ZFYVE28: variants seen among roughly 807,000 people sequenced by gnomAD.
ZFYVE28 encodes the protein lateral signaling target protein 2 homolog.
In ZFYVE28, 40 loss-of-function variants were observed where a neutral mutation model predicts 82.1. The ratio of observed to expected loss-of-function variants is 0.49; its 90% CI spans 0.38 to 0.63. The LOEUF (loss-of-function observed/expected upper bound fraction) is 0.63. Ranked by LOEUF, ZFYVE28 falls within the 30% of genes least tolerant of loss-of-function variation. The pLI, the probability that ZFYVE28 is intolerant of heterozygous loss-of-function variation, is 0.00. For synonymous variants in ZFYVE28, 612 were observed against 546.1 expected (o/e 1.12, Z -1.68); for missense variants, 1,321 against 1,242.1 (o/e 1.06, Z -0.96).
At chr4:2,308,627 C>CAGAAAGAAAGAAAA (rs1553830471) in intron 7 of ZFYVE28, among the ~76,000 whole-genome samples, 6 of 79,582 alleles carry the variant, frequency 7.5e-5, no homozygotes, top group African/African-American at 3.2e-4. Context: ...AGAAAGAAGA[C>CAGAAAGAAAGAAAA]AGAAAGAAAG....
In ZFYVE28 at chr4:2,394,222, C is replaced by T. The variant is rs569263712; in HGVS notation, c.39+24063G>A. Among the ~76,000 whole-genome samples the T allele has an allele frequency of 6.6e-6, 1 of 152,170 alleles. No individual in the cohort carries two copies. The highest frequency in any genetic ancestry group is 6.5e-5 in the Admixed American group (1 of 15,288). On this transcript the variant is annotated intron_variant, in intron 1 of 12. Transcript: ENST00000290974. This position sits in a 1 kb window ranked among gnomAD's most constrained non-coding sequence, Gnocchi z 4.0. ...ATTTCATGATCGGAAGGTCAACTGA[C>T]GAGCAGGCGTAGTTCCATCTTTAAC... is the stretch of plus-strand genomic sequence containing the variant.
chr4:2,387,145 G>A (rs920658037), intron 1 of ZFYVE28, among the ~76,000 whole-genome samples: 3 of 152,208 alleles, frequency 2.0e-5, no homozygotes, highest in Non-Finnish European at 4.4e-5. Flanking sequence ...TTGCCTGCAG[G>A]AGGAGGCTGG....
chr4:2,364,345 C>T, intron 1 of ZFYVE28: 1 of 698,920 alleles, frequency 1.4e-6, no homozygotes, highest in Non-Finnish European at 1.8e-6. Context: ...CCTGGAACCA[C>T]AGGTGTTGTG....
intron 1 of ZFYVE28, among the ~76,000 whole-genome samples, chr4:2,366,614 G>T (rs1014897979): frequency 3.9e-5 from 6 of 152,224 alleles, no homozygotes; most frequent in Non-Finnish European, 8.8e-5. Context: ...TGGCCCCAGA[G>T]AAAACCCTCC....
Position 2,335,852 on chromosome 4 carries a change from T to G in ZFYVE28, c.612-58A>C. 6.9e-7 allele frequency: 1 copy of G among 1,459,808 alleles called. No individual in the cohort carries two copies. Among genetic ancestry groups the G allele is most frequent in the Non-Finnish European group, 9.4e-7 (1 of 1,066,438 alleles). The allele number at this position is 1,459,808 out of a possible 1,614,324, so 90.4% of individuals were successfully genotyped here. ...GGGCTGGCCCACCACAGCCACAGGT[T>G]GGACCCCAGCAGGGACAGGCAGTGC... On this transcript the variant is annotated intron_variant, in intron 5 of 12. Transcript: ENST00000290974. This position sits in a 1 kb window ranked among gnomAD's most constrained non-coding sequence, Gnocchi z 5.8.
intron 7 of ZFYVE28, among the ~76,000 whole-genome samples, chr4:2,308,009 T>C (rs779030791): frequency 5.9e-5 from 9 of 152,224 alleles, no homozygotes; most frequent in African/African-American, 1.9e-4. Flanking sequence ...TATATATGCA[T>C]TGGTCTGTTC....
intron 12 of ZFYVE28, 38 bp downstream of exon 12, chr4:2,271,273 G>GAT: frequency 6.3e-7 from 1 of 1,594,894 alleles, no homozygotes. Context: ...GACGCCCTTG[G>GAT]ATGCTGAGGG....
chr4:2,273,192 G>T lies in ZFYVE28; in HGVS notation c.2304C>A (p.Asp768Glu), dbSNP rs148161127. The T allele has an allele frequency of 6.2e-7, 1 of 1,613,730 alleles. No individual in the cohort carries two copies. The highest frequency in any genetic ancestry group is 1.3e-5 in the African/African-American group (1 of 75,038). ...EVMATKPETD[D>E]KEKLRKVTQT... is the part of the protein sequence containing the mutation. ...ACTCACCCTTCCTTAACTTTTCCTT[G>T]TCGTCTGTTTCAGGCTTGGTGGCCA... Residue 768 changes from aspartate (D) to glutamate (E), a missense_variant, in exon 10 of 13, where the codon GAC (aspartate) becomes GAA (glutamate). This residue lies in a region of ZFYVE28 where 978 missense variants were observed against 833.7 expected (regional missense o/e 1.17). Transcript: ENST00000290974.
rs901755930 is a variant in ZFYVE28 at position 2,394,903 on chromosome 4, G to C, written c.39+23382C>G. ...GGGACTATCATTCAATCTCTTCCCT[G>C]CAAAGGGTAAGGCCAGCCCTAATGA... On this transcript the variant is annotated intron_variant, in intron 1 of 12. Coordinates refer to ENST00000290974, the MANE Select transcript of ZFYVE28 (RefSeq NM_020972.3). This position sits in a 1 kb window ranked among gnomAD's most constrained non-coding sequence, Gnocchi z 4.0. 2.0e-5 allele frequency among the ~76,000 whole-genome samples: 3 copies of C among 152,244 alleles called. No individual in the cohort carries two copies. The highest frequency in any genetic ancestry group is 6.5e-5 in the Admixed American group (1 of 15,290).
rs775342082 is a variant in ZFYVE28, at chr4:2,341,514, G to C, written c.282C>G (p.His94Gln). The change falls in exon 3 of 13, where the codon CAC (histidine) becomes CAG (glutamine). Residue 94 changes from histidine (H) to glutamine (Q), a missense_variant. By Grantham distance (24) the His-to-Gln change is conservative. Around this residue, in one of 2 missense-constraint regions of ZFYVE28, gnomAD observed 343 missense variants for 408.4 expected, o/e 0.84. Coordinates refer to ENST00000290974, the MANE Select transcript of ZFYVE28 (RefSeq NM_020972.3). This position sits in a 1 kb window ranked among gnomAD's most constrained non-coding sequence, Gnocchi z 4.5. ...ACCACAGCTGGCCGGCCAGGTTGTC[G>C]TGCCGGATCTCCTCAGGGAACTTGA... is the stretch of plus-strand genomic sequence containing the variant. ...FCVKFPEEIRHDNLAGQLWFG... is the reference protein window; with the variant it reads ...FCVKFPEEIRQDNLAGQLWFG... 1.2e-6 allele frequency: 2 copies of C among 1,613,720 alleles called. No homozygotes were observed. Among genetic ancestry groups the C allele is most frequent in the African/African-American group, 2.7e-5 (2 of 74,920 alleles).
Position 2,271,708 on chromosome 4 carries a change from G to T in ZFYVE28, c.2395C>A (p.Leu799Met). The T allele has an allele frequency of 6.2e-7, 1 of 1,613,954 alleles. No individual in the cohort carries two copies. The highest frequency in any genetic ancestry group is 8.5e-7 in the Non-Finnish European group (1 of 1,180,008). The change falls in exon 11 of 13, where the codon CTG becomes ATG. Residue 799 changes from leucine (L) to methionine (M), a missense_variant. Physicochemically the swap from Leu to Met is conservative, Grantham distance 15. Transcript: ENST00000290974. ...LCQETLSSSE[L>M]AAKTRDGDFE... ...TCCCCATCGCGGGTCTTGGCTGCCA[G>T]TTCAGAGGATGACAGGGTCTCCTGG... is the stretch of plus-strand genomic sequence containing the variant.
intron 12 of ZFYVE28, 100 bp downstream of exon 12, chr4:2,271,211 C>A (rs1224591255): frequency 7.9e-7 from 1 of 1,262,576 alleles, no homozygotes; most frequent in African/African-American, 1.5e-5. Context: ...ACAGGCCTCG[C>A]TGGCCTCCCT....
intron 8 of ZFYVE28, among the ~76,000 whole-genome samples, chr4:2,303,133 G>A (rs973391407): frequency 3.9e-5 from 6 of 152,138 alleles, no homozygotes; most frequent in East Asian, 1.9e-4. Context: ...CACCCAGCCC[G>A]CAGCACAGGA....
At chr4:2,301,398 G>C (rs1459108499) in intron 8 of ZFYVE28, among the ~76,000 whole-genome samples, 1 of 152,186 alleles carries the variant, frequency 6.6e-6, no homozygotes, top group African/African-American at 2.4e-5. Flanking sequence ...AACCGAACAT[G>C]TACTGTCCTG....
At chr4:2,296,016 G>T (rs1309762346) in intron 8 of ZFYVE28, among the ~76,000 whole-genome samples, 1 of 152,196 alleles carries the variant, frequency 6.6e-6, no homozygotes, top group African/African-American at 2.4e-5. Context: ...GTGGTCACCA[G>T]GGAACAGAGG....
At chr4:2,271,468 G>C in intron 11 of ZFYVE28, 54 bp from the exon 12 acceptor site, 1 of 1,577,492 alleles carries the variant, frequency 6.3e-7, no homozygotes, top group Non-Finnish European at 8.7e-7. Flanking sequence ...GGTGGGCTGG[G>C]CCGGGACCCT....
chr4:2,391,351 C>T (rs1437682961), intron 1 of ZFYVE28, among the ~76,000 whole-genome samples: 2 of 152,140 alleles, frequency 1.3e-5, no homozygotes, highest in Admixed American at 6.5e-5. Context: ...CCCTCCCTCC[C>T]GTCCTGGGGC....
At chr4:2,297,970 GAC>G (rs1450898894) in intron 8 of ZFYVE28, among the ~76,000 whole-genome samples, 43 of 149,224 alleles carry the variant, frequency 2.9e-4, no homozygotes, top group African/African-American at 1.0e-3. Flanking sequence ...GTGACACGGT[GAC>G]ACAGTGACAC....
At chr4:2,271,834 AG>A in intron 10 of ZFYVE28, 55 bp from the exon 11 acceptor site, 21 of 1,531,126 alleles carry the variant, frequency 1.4e-5, no homozygotes, top group Non-Finnish European at 1.6e-5. Context: ...CAATTGATGC[AG>A]GGTCACCTGC....
Sources: allele counts gnomAD v4.1 joint callset (sites outside exome capture counted in the v4.1 genomes callset), GRCh38; gene constraint gnomAD v4.1.1; regional missense constraint gnomAD v4.1.1; non-coding constraint Gnocchi (gnomAD v3.1); transcripts MANE v1.5; gene names NCBI Gene and HGNC (gene_info 2026-07-23, HGNC 2026-07-21).